Variants in AGBL4 observed in about 807,000 individuals in gnomAD.
The protein encoded by AGBL4 is AGBL carboxypeptidase 4.
AGBL4 carries 58 observed loss-of-function variants against 66.4 expected under a neutral mutation model. The ratio of observed to expected loss-of-function variants is 0.87; its 90% confidence interval spans 0.71 to 1.09. AGBL4 has a LOEUF of 1.09. Among genes scored for constraint, AGBL4 ranks in the 50% least tolerant of loss-of-function variants. The pLI is 0.00. For missense variants in AGBL4, 579 were observed against 631.0 expected (o/e 0.92, Z 0.88); for synonymous variants, 234 against 222.9 (o/e 1.05, Z -0.44).
At chr1:49,131,421 A>G (rs534187612) in intron 4 of AGBL4, among the ~76,000 whole-genome samples, 1 of 152,192 alleles carries the variant, frequency 6.6e-6, no homozygotes, top group South Asian at 2.1e-4. Context: ...ATTTTAAAGG[A>G]CAATGGTATT....
chr1:49,049,145 T>C (rs1424557834), intron 4 of AGBL4, among the ~76,000 whole-genome samples: 2 of 152,260 alleles, frequency 1.3e-5, no homozygotes, highest in South Asian at 2.1e-4. Context: ...CATAACTCCC[T>C]AACACAATTT....
chr1:49,854,312 G>C (rs1333970305), intron 1 of AGBL4, among the ~76,000 whole-genome samples: 1 of 151,962 alleles, frequency 6.6e-6, no homozygotes, highest in Non-Finnish European at 1.5e-5. Flanking sequence ...TCTGAGGCAT[G>C]AAAGGAGAGA....
At chr1:48,811,270 G>A (rs1458824829) in intron 6 of AGBL4, among the ~76,000 whole-genome samples, 4 of 152,240 alleles carry the variant, frequency 2.6e-5, no homozygotes, top group Middle Eastern at 6.8e-3. Flanking sequence ...GGGCCCGAAG[G>A]AACTGCTAAG....
In AGBL4 at chr1:49,045,726, G is replaced by T; in HGVS notation, c.452C>A (p.Ala151Asp). 4 of 1,552,382 alleles carry T rather than the reference G, an allele frequency of 2.6e-6. No individual in the cohort carries two copies. The highest frequency in any genetic ancestry group is 3.5e-6 in the Non-Finnish European group (4 of 1,147,180). Residue 151 changes from alanine to aspartate, a missense_variant, in exon 5 of 14, where the codon GCC becomes GAC. Coordinates refer to ENST00000371839, the MANE Select transcript of AGBL4 (RefSeq NM_032785.4). ...ATCTTCTTCTCGGTCAAAACAAAAG[G>T]CAAAGGACATCACATAGTTCTTCCT... Reference protein sequence around the residue: ...DHRKNYVMSFAFCFDREEDIY... With the variant: ...DHRKNYVMSFDFCFDREEDIY...
At chr1:48,852,029 T>C (rs1213091677) in intron 6 of AGBL4, among the ~76,000 whole-genome samples, 1 of 148,302 alleles carries the variant, frequency 6.7e-6, no homozygotes, top group East Asian at 2.0e-4. Flanking sequence ...TTTTTTTTTT[T>C]TTTTTTTTTT....
chr1:49,461,459 T>A (rs982262288), intron 3 of AGBL4, among the ~76,000 whole-genome samples: 7 of 151,276 alleles, frequency 4.6e-5, no homozygotes, highest in African/African-American at 1.7e-4. Flanking sequence ...ATTTTTTTTT[T>A]ATTTATGCGA....
chr1:49,229,012 T>C (rs1441317219), intron 4 of AGBL4, among the ~76,000 whole-genome samples: 8 of 152,300 alleles, frequency 5.3e-5, no homozygotes, highest in Middle Eastern at 3.4e-3. Context: ...AATTGCTCAT[T>C]ATTTTCCAAA....
intron 3 of AGBL4, among the ~76,000 whole-genome samples, chr1:49,677,071 T>A (rs1421679429): frequency 1.3e-5 from 2 of 152,090 alleles, no homozygotes; most frequent in Admixed American, 6.6e-5. Flanking sequence ...AGTTCAATAG[T>A]AACAGTTTAG....
At chr1:48,646,659 A>G (rs957925853) in intron 8 of AGBL4, among the ~76,000 whole-genome samples, 5 of 151,816 alleles carry the variant, frequency 3.3e-5, no homozygotes, top group Non-Finnish European at 7.4e-5. Flanking sequence ...GAACTTATAT[A>G]TTGTCCATCC....
chr1:48,974,507 T>C (rs1659161506), intron 5 of AGBL4, among the ~76,000 whole-genome samples: 1 of 152,254 alleles, frequency 6.6e-6, no homozygotes, highest in Admixed American at 6.5e-5. Context: ...AACACAGTGA[T>C]GAGAAATGCC....
intron 5 of AGBL4, among the ~76,000 whole-genome samples, chr1:49,002,563 G>A (rs974220598): frequency 6.6e-6 from 1 of 152,064 alleles, no homozygotes; most frequent in Non-Finnish European, 1.5e-5. Flanking sequence ...GGAGAGCAAG[G>A]GAGAGAACAT....
chr1:49,491,568 A>G (rs1280030357), intron 3 of AGBL4, among the ~76,000 whole-genome samples: 1 of 151,920 alleles, frequency 6.6e-6, no homozygotes, highest in Non-Finnish European at 1.5e-5. Flanking sequence ...TGATTCAAAA[A>G]TTACTCAGGA....
At position 48,746,169 on chromosome 1, in the gene AGBL4, CTA is replaced by C. The variant is rs201496506; in HGVS notation, c.635-82930_635-82929del. ...CAAGACTGAGGATTAAATCAGATAA[CTA>C]TATATATATATTCGTATATTTATAT... On this transcript the variant is annotated intron_variant, in intron 6 of 13. Coordinates refer to ENST00000371839, the MANE Select transcript of AGBL4 (RefSeq NM_032785.4). Among the ~76,000 whole-genome samples, 1,033 of 151,904 alleles carry C rather than the reference CTA, an allele frequency of 6.8e-3. 16 individuals carry two copies. The highest frequency in any genetic ancestry group is 0.023 in the African/African-American group (957 of 41,450).
chr1:49,280,821 C>T (rs1208971210), intron 3 of AGBL4, among the ~76,000 whole-genome samples: 1 of 152,130 alleles, frequency 6.6e-6, no homozygotes, highest in Non-Finnish European at 1.5e-5. Flanking sequence ...ATACATTGTT[C>T]TTGTCTTCAA....
At chr1:48,764,001 G>A (rs1477412374) in intron 6 of AGBL4, among the ~76,000 whole-genome samples, 4 of 152,240 alleles carry the variant, frequency 2.6e-5, no homozygotes, top group East Asian at 3.9e-4. Flanking sequence ...TCTATGCCTC[G>A]ACTTAACCTT....
intron 2 of AGBL4, among the ~76,000 whole-genome samples, chr1:49,830,505 T>G (rs1483661979): frequency 1.3e-5 from 2 of 152,228 alleles, no homozygotes; most frequent in Non-Finnish European, 2.9e-5. Flanking sequence ...TTCTGGATAT[T>G]AGCCCTTTAT....
At chr1:49,265,462 T>A (rs937775498) in intron 3 of AGBL4, among the ~76,000 whole-genome samples, 1 of 152,198 alleles carries the variant, frequency 6.6e-6, no homozygotes, top group Non-Finnish European at 1.5e-5. Context: ...CTCTATTTGT[T>A]CAACCAATCA....
intron 3 of AGBL4, among the ~76,000 whole-genome samples, chr1:49,651,823 C>T (rs1047975453): frequency 6.6e-6 from 1 of 151,984 alleles, no homozygotes; most frequent in Non-Finnish European, 1.5e-5. Context: ...TTTGACACCA[C>T]CAAAGGATTG....
intron 3 of AGBL4, among the ~76,000 whole-genome samples, chr1:49,483,684 T>A (rs1256017355): frequency 6.6e-6 from 1 of 151,932 alleles, no homozygotes; most frequent in East Asian, 1.9e-4. Context: ...GACATAGAAC[T>A]GGGCAAAGGT....
Sources: gnomAD v4.1 joint callset for allele counts (sites outside exome capture counted in the v4.1 genomes callset) on GRCh38, gnomAD v4.1.1 for gene constraint, MANE v1.5 for transcripts, NCBI Gene and HGNC (gene_info 2026-07-23, HGNC 2026-07-21) for gene names.